The following ZFYVE9 variants were observed in gnomAD, a reference collection of about 807,000 sequenced individuals.
ZFYVE9 encodes the protein zinc finger FYVE domain-containing protein 9.
In ZFYVE9, 43 loss-of-function variants were observed where a neutral mutation model predicts 126.7. The ratio of observed to expected loss-of-function variants is 0.34; its 90% CI spans 0.27 to 0.44. The LOEUF (loss-of-function observed/expected upper bound fraction) is 0.44, where lower values mean the gene tolerates loss of function less well. Among genes scored for constraint, ZFYVE9 ranks in the 20% least tolerant of loss-of-function variants. The probability of loss-of-function intolerance (pLI) is 1.00; values close to 1 mark genes in which losing one functional copy is unlikely to be tolerated. For synonymous variants in ZFYVE9, 521 were observed against 597.4 expected (o/e 0.87, Z 1.87); for missense variants, 1,476 against 1,697.0 (o/e 0.87, Z 2.29).
intron 4 of ZFYVE9, among the ~76,000 whole-genome samples, chr1:52,261,440 C>A (rs529877760): frequency 6.6e-6 from 1 of 151,980 alleles, no homozygotes; most frequent in Non-Finnish European, 1.5e-5. Context: ...AACCTGAAAC[C>A]CTTGCACTAA....
At chr1:52,215,183 GTTACT>G (rs936330221) in intron 1 of ZFYVE9, among the ~76,000 whole-genome samples, 5 of 152,086 alleles carry the variant, frequency 3.3e-5, no homozygotes, top group Non-Finnish European at 7.4e-5. Flanking sequence ...TAGAGGAGTG[GTTACT>G]TTACTTTCAT....
intron 13 of ZFYVE9, among the ~76,000 whole-genome samples, chr1:52,307,261 AGTCCTGCTCT>A (rs1646094123): frequency 6.6e-6 from 1 of 152,098 alleles, no homozygotes; most frequent in Non-Finnish European, 1.5e-5. Flanking sequence ...TTTGAGACAG[AGTCCTGCTCT>A]GTCACCCAGG....
In ZFYVE9 at chr1:52,156,661, C is replaced by T. The variant is rs150849735; in HGVS notation, c.-143+14258C>T. 3.9e-5 allele frequency among the ~76,000 whole-genome samples: 6 copies of T among 152,186 alleles called. No individual in the cohort carries two copies. In the East Asian group the frequency reaches 9.6e-4, roughly 24 times the overall value. On this transcript the variant is annotated intron_variant, in intron 1 of 18. Coordinates refer to ENST00000287727, the MANE Select transcript of ZFYVE9 (RefSeq NM_004799.4). ...TGGGTAGGTCTGTGGACCAGTGGAC[C>T]CATTAAAAGCTAGACTTTGGCCAGG...
chr1:52,306,950 T>A (rs1646090895), intron 13 of ZFYVE9, among the ~76,000 whole-genome samples: 1 of 152,180 alleles, frequency 6.6e-6, no homozygotes, highest in Non-Finnish European at 1.5e-5. Flanking sequence ...AGACATGGGA[T>A]CCAGGCTGGT....
intron 4 of ZFYVE9, among the ~76,000 whole-genome samples, chr1:52,261,148 A>G (rs1015130263): frequency 1.3e-4 from 20 of 151,840 alleles, no homozygotes; most frequent in Non-Finnish European, 2.9e-5. Flanking sequence ...CCTAGATTAC[A>G]TGATCTTATT....
chr1:52,149,109 G>A (rs907371588), intron 1 of ZFYVE9, among the ~76,000 whole-genome samples: 1 of 151,320 alleles, frequency 6.6e-6, no homozygotes, highest in Non-Finnish European at 1.5e-5. Context: ...TACTACAGGC[G>A]CCTGTCACTA....
At chr1:52,165,332 A>G (rs1644502870) in intron 1 of ZFYVE9, among the ~76,000 whole-genome samples, 1 of 152,190 alleles carries the variant, frequency 6.6e-6, no homozygotes, top group African/African-American at 2.4e-5. Context: ...GACAAGAAAG[A>G]AAGAGATCAC....
chr1:52,327,189 C>T (rs1324687759), intron 13 of ZFYVE9, among the ~76,000 whole-genome samples: 1 of 151,836 alleles, frequency 6.6e-6, no homozygotes, highest in East Asian at 1.9e-4. Context: ...TACTGTTGGT[C>T]TTGCAATTAA....
intron 1 of ZFYVE9, among the ~76,000 whole-genome samples, chr1:52,143,766 G>C (rs1644283435): frequency 6.6e-6 from 1 of 152,070 alleles, no homozygotes; most frequent in South Asian, 2.1e-4. Flanking sequence ...GAAGAATATG[G>C]GTAACTACCT....
chr1:52,284,529 C>T (rs1023682414), intron 10 of ZFYVE9, among the ~76,000 whole-genome samples: 9 of 151,974 alleles, frequency 5.9e-5, no homozygotes, highest in African/African-American at 2.2e-4. Flanking sequence ...ACGCCATTCT[C>T]CTGCCCCAGC....
intron 13 of ZFYVE9, among the ~76,000 whole-genome samples, chr1:52,313,275 G>A (rs1347530831): frequency 6.6e-6 from 1 of 152,152 alleles, no homozygotes; most frequent in East Asian, 1.9e-4. Context: ...TAAATATCAA[G>A]ACAAAGTATG....
intron 18 of ZFYVE9, chr1:52,345,609 G>C (rs1037809076): frequency 5.2e-5 from 8 of 155,120 alleles, no homozygotes; most frequent in Non-Finnish European, 1.0e-4. Flanking sequence ...CTTGAGGGCA[G>C]GGCCCTGTTA....
In ZFYVE9 at chr1:52,333,050, A is replaced by G; in HGVS notation, c.3589+132A>G. The G allele has an allele frequency of 3.3e-6, 4 of 1,229,826 alleles. No homozygotes were observed. In the Admixed American group the frequency reaches 7.5e-5, roughly 23 times the overall value. 76.2% of individuals were successfully genotyped at this position (1,229,826 alleles called of 1,614,324 possible). A position where few individuals can be genotyped will look rare whatever the true frequency, so the allele number is the denominator to read the frequency against. On this transcript the variant is annotated intron_variant, in intron 14 of 18. Transcript: ENST00000287727. ...AACAAATTAATTAACCTTTCCAACC[A>G]TATTCTTCAGGATTATGTTGACTCC...
intron 1 of ZFYVE9, among the ~76,000 whole-genome samples, chr1:52,204,103 A>AT (rs1644950994): frequency 6.8e-6 from 1 of 146,234 alleles, no homozygotes; most frequent in Non-Finnish European, 1.5e-5. Flanking sequence ...TTTTAACCTT[A>AT]TGCCTTGTAA....
intron 1 of ZFYVE9, among the ~76,000 whole-genome samples, chr1:52,174,034 G>GC (rs1452745829): frequency 6.6e-6 from 1 of 150,786 alleles, no homozygotes; most frequent in Non-Finnish European, 1.5e-5. Flanking sequence ...GTTATTTCTT[G>GC]CCTTCTGCTA....
At chr1:52,333,060 G>T in intron 14 of ZFYVE9, 142 bp downstream of exon 14, 8 of 1,174,312 alleles carry the variant, frequency 6.8e-6, no homozygotes, top group Non-Finnish European at 9.5e-6. Context: ...ATATTCTTCA[G>T]GATTATGTTG....
intron 4 of ZFYVE9, chr1:52,253,939 GA>G: frequency 1.1e-6 from 1 of 925,298 alleles, no homozygotes; most frequent in Non-Finnish European, 1.8e-6. Context: ...CAACCTTCAA[GA>G]AATTCGGCAA....
rs968389134 is a variant in ZFYVE9 at position 52,257,177 on chromosome 1, A to G, written c.2179-6596A>G. On this transcript the variant is annotated intron_variant, in intron 4 of 18. Transcript: ENST00000287727. ...TGGAAAGCCTGTAGTGGGAAATTTT[A>G]AAAGGAAAGGAAAGGGAAATAAGAA... Among the ~76,000 whole-genome samples, 3 of 152,218 alleles carry G rather than the reference A, an allele frequency of 2.0e-5. No individual in the cohort carries two copies. In the East Asian group the frequency reaches 5.8e-4, roughly 29 times the overall value.
intron 3 of ZFYVE9, among the ~76,000 whole-genome samples, chr1:52,234,709 C>T (rs1017074662): frequency 1.1e-4 from 16 of 152,148 alleles, no homozygotes; most frequent in African/African-American, 3.9e-4. Flanking sequence ...AACCTATATT[C>T]CTAGGCTCAT....
Sources: gnomAD v4.1 joint callset for allele counts (sites outside exome capture counted in the v4.1 genomes callset) on GRCh38, gnomAD v4.1.1 for gene constraint, MANE v1.5 for transcripts, NCBI Gene and HGNC (gene_info 2026-07-23, HGNC 2026-07-21) for gene names.